ADRA1B: variants seen among roughly 807,000 people sequenced by gnomAD.
The protein encoded by ADRA1B is adrenoceptor alpha 1B.
ADRA1B carries 17 observed loss-of-function variants against 17.9 expected under a neutral mutation model. The observed-to-expected ratio is 0.95, with a 90% confidence interval of 0.65 to 1.42. The LOEUF is 1.42. Among genes scored for constraint, ADRA1B ranks in the 40% most tolerant of loss-of-function variants. The pLI, the probability that ADRA1B is intolerant of heterozygous loss-of-function variation, is 0.00. For missense variants in ADRA1B, 681 were observed against 722.1 expected, an observed-to-expected ratio of 0.94 and a Z score of 0.65; for synonymous variants, 366 against 327.6, an observed-to-expected ratio of 1.12 and a Z score of -1.27.
chr5:159,939,308 T>C (rs1581051197), intron 1 of ADRA1B, among the ~76,000 whole-genome samples: 1 of 141,472 alleles, frequency 7.1e-6, no homozygotes, highest in East Asian at 2.0e-4. Flanking sequence ...TGTGTGTGTG[T>C]GTGTGTGTGT....
chr5:159,977,817 A>G (rs1267446944), downstream of ADRA1B, among the ~76,000 whole-genome samples: 1 of 151,838 alleles, frequency 6.6e-6, no homozygotes, highest in African/African-American at 2.4e-5. Flanking sequence ...CCAGTTTGCT[A>G]CTCTTCAAAT....
chr5:159,976,165 C>T (rs1755971567), downstream of ADRA1B, among the ~76,000 whole-genome samples: 1 of 152,082 alleles, frequency 6.6e-6, no homozygotes, highest in Admixed American at 6.6e-5. Flanking sequence ...TGACACCATG[C>T]CAGGCACTTG....
intron 1 of ADRA1B, among the ~76,000 whole-genome samples, chr5:159,903,763 T>C (rs1395827717): frequency 1.3e-5 from 2 of 152,154 alleles, no homozygotes; most frequent in African/African-American, 4.8e-5. Flanking sequence ...TCCCCTCATC[T>C]TCAAATCCCA....
At position 159,917,421 on chromosome 5, in the gene ADRA1B, G is replaced by A; in HGVS notation, c.516G>A (p.Leu172=). The part of the protein sequence containing the change: ...AILALLSVWV[L]STVISIGPLL... ...TGGCGCTGCTCAGTGTCTGGGTCTT[G>A]TCCACCGTCATCTCCATCGGGCCTC... The change falls in exon 1 of 2, where the codon TTG becomes TTA. Residue 172 remains leucine, a synonymous_variant. Transcript: ENST00000306675. 5 of 1,614,160 alleles carry A rather than the reference G, an allele frequency of 3.1e-6. No homozygotes were observed. Among genetic ancestry groups the A allele is most frequent in the Non-Finnish European group, 4.2e-6 (5 of 1,180,028 alleles).
At chr5:159,942,600 C>G (rs945424194) in intron 1 of ADRA1B, among the ~76,000 whole-genome samples, 1 of 152,140 alleles carries the variant, frequency 6.6e-6, no homozygotes, top group Non-Finnish European at 1.5e-5. Flanking sequence ...CACTTGAGCC[C>G]AGGAGTTCCA....
At chr5:159,908,359 A>T (rs1007019720) in intron 1 of ADRA1B, among the ~76,000 whole-genome samples, 17 of 152,170 alleles carry the variant, frequency 1.1e-4, no homozygotes, top group Non-Finnish European at 1.9e-4. Flanking sequence ...ATCAAGTCTC[A>T]TGTTGAAATT....
At chr5:159,971,392 T>C (rs888934156) in intron 1 of ADRA1B, among the ~76,000 whole-genome samples, 6 of 152,250 alleles carry the variant, frequency 3.9e-5, no homozygotes, top group African/African-American at 1.4e-4. Context: ...TATGTTGTTC[T>C]CTTTTACCTT....
At chr5:159,941,673 T>C (rs1338826360) in intron 1 of ADRA1B, among the ~76,000 whole-genome samples, 1 of 152,172 alleles carries the variant, frequency 6.6e-6, no homozygotes, top group African/African-American at 2.4e-5. Flanking sequence ...GGTATATCCA[T>C]ACAATGGAAT....
At chr5:159,884,931 G>C (rs1337776849) in intron 1 of ADRA1B, among the ~76,000 whole-genome samples, 2 of 152,230 alleles carry the variant, frequency 1.3e-5, no homozygotes, top group Non-Finnish European at 2.9e-5. Flanking sequence ...TGAGTGACAG[G>C]CTGGAATCTT....
At chr5:159,885,472 T>C (rs1489860366) in intron 1 of ADRA1B, among the ~76,000 whole-genome samples, 1 of 152,168 alleles carries the variant, frequency 6.6e-6, no homozygotes, top group African/African-American at 2.4e-5. Flanking sequence ...AATGGGATTC[T>C]ACAAAAAAAG....
chr5:159,887,652 G>A (rs962778769), intron 1 of ADRA1B, among the ~76,000 whole-genome samples: 4 of 152,188 alleles, frequency 2.6e-5, no homozygotes, highest in Non-Finnish European at 5.9e-5. Flanking sequence ...GTTGGTTTTG[G>A]AAACCTACTT....
At chr5:159,920,221 T>C (rs1387097725) in intron 1 of ADRA1B, among the ~76,000 whole-genome samples, 1 of 152,128 alleles carries the variant, frequency 6.6e-6, no homozygotes, top group Admixed American at 6.5e-5. Context: ...CTCAGTTTCC[T>C]TCAGGCCCAG....
intron 1 of ADRA1B, chr5:159,869,234 C>G (rs956556443): frequency 6.6e-6 from 1 of 152,188 alleles, no homozygotes; most frequent in African/African-American, 2.4e-5. Context: ...CTGGACAAAC[C>G]ATTCCTGGAA....
chr5:159,960,400 G>A lies in ADRA1B; in HGVS notation c.950-11479G>A, dbSNP rs962314230. ...CTAGAGGAGTCACTGGAGGATTGGGGCCAAGGGGGTCAACCCCATAGTGAG... is the reference window on the plus strand; with the variant it reads ...CTAGAGGAGTCACTGGAGGATTGGGACCAAGGGGGTCAACCCCATAGTGAG... On this transcript the variant is annotated intron_variant, in intron 1 of 1. Coordinates refer to ENST00000306675, the MANE Select transcript of ADRA1B (RefSeq NM_000679.4). Among the ~76,000 whole-genome samples, 69 of 152,310 alleles carry A rather than the reference G, an allele frequency of 4.5e-4. 1 individual carries two copies. Among genetic ancestry groups the A allele is most frequent in the Admixed American group, 4.1e-3 (63 of 15,302 alleles).
upstream of ADRA1B, among the ~76,000 whole-genome samples, chr5:159,914,334 G>A (rs1426340500): frequency 6.6e-6 from 1 of 152,204 alleles, no homozygotes; most frequent in African/African-American, 2.4e-5. Flanking sequence ...GCACTGTCCT[G>A]TAGGCCAGGG....
At chr5:159,868,166 G>A (rs1753686511) in intron 1 of ADRA1B, 2 of 152,090 alleles carry the variant, frequency 1.3e-5, no homozygotes. Context: ...AATAAATAAG[G>A]TAAAGACAAA....
intron 1 of ADRA1B, among the ~76,000 whole-genome samples, chr5:159,879,402 G>T (rs1753833290): frequency 1.3e-5 from 2 of 152,050 alleles, no homozygotes; most frequent in African/African-American, 4.8e-5. Context: ...GACATCTTTT[G>T]GTTATCACTC....
At chr5:159,983,557 G>A in the ADRA1B span, among the ~76,000 whole-genome samples, 1 of 152,168 alleles carries the variant, frequency 6.6e-6, no homozygotes, top group Non-Finnish European at 1.5e-5. Flanking sequence ...GATGAACAAC[G>A]ATCTTCATCA....
intron 1 of ADRA1B, chr5:159,871,416 G>A (rs1364024718): frequency 6.6e-6 from 1 of 152,162 alleles, no homozygotes; most frequent in Non-Finnish European, 1.5e-5. Context: ...TCCTTTTGGA[G>A]AGCAGAAGTC....
Sources: gnomAD v4.1 joint callset for allele counts (sites outside exome capture counted in the v4.1 genomes callset) on GRCh38, gnomAD v4.1.1 for gene constraint, MANE v1.5 for transcripts, NCBI Gene and HGNC (gene_info 2026-07-23, HGNC 2026-07-21) for gene names.